Variants in TYW1B observed in about 807,000 individuals in gnomAD.
TYW1B encodes the protein S-adenosyl-L-methionine-dependent tRNA 4-demethylwyosine synthase TYW1B.
In TYW1B, 73 loss-of-function variants were observed where a neutral mutation model predicts 86.9. That is an observed-to-expected ratio of 0.84 (90% CI 0.70 to 1.02). The LOEUF is 1.02. Among genes scored for constraint, TYW1B ranks in the 50% least tolerant of loss-of-function variants. The probability of loss-of-function intolerance (pLI) is 0.00; values close to 1 mark genes in which losing one functional copy is unlikely to be tolerated. For missense variants in TYW1B, 637 were observed against 827.4 expected (o/e 0.77, Z 2.82); for synonymous variants, 248 against 292.8 (o/e 0.85, Z 1.56).
At chr7:72,811,263 T>C (rs1436428821) in intron 3 of TYW1B, among the ~76,000 whole-genome samples, 2 of 109,132 alleles carry the variant, frequency 1.8e-5, no homozygotes, top group Non-Finnish European at 3.5e-5. Flanking sequence ...AGAGCAAGAC[T>C]CCATCTCAAA....
At chr7:72,643,635 T>C (rs1812856804) in intron 11 of TYW1B, among the ~76,000 whole-genome samples, 1 of 152,040 alleles carries the variant, frequency 6.6e-6, no homozygotes, top group South Asian at 2.1e-4. Context: ...ATATGCATAC[T>C]ATTATTAGGA....
chr7:72,723,822 A>C (rs568300698), intron 9 of TYW1B, among the ~76,000 whole-genome samples: 6 of 152,128 alleles, frequency 3.9e-5, no homozygotes, highest in Admixed American at 3.9e-4. Context: ...AGAACAGAAA[A>C]TATAATCAAT....
At chr7:72,685,605 A>G (rs1251326215) in intron 11 of TYW1B, among the ~76,000 whole-genome samples, 1 of 54,106 alleles carries the variant, frequency 1.8e-5, no homozygotes, top group Non-Finnish European at 5.2e-5. Flanking sequence ...AGAAATCCAC[A>G]TGCAAAAAAA....
intron 7 of TYW1B, among the ~76,000 whole-genome samples, chr7:72,750,551 G>A (rs1787481753): frequency 6.6e-6 from 1 of 151,984 alleles, no homozygotes; most frequent in African/African-American, 2.4e-5. Flanking sequence ...GATTCTTTTG[G>A]TTTTATCCTG....
At chr7:72,760,712 A>C (rs899211750) in intron 7 of TYW1B, among the ~76,000 whole-genome samples, 1 of 152,196 alleles carries the variant, frequency 6.6e-6, no homozygotes, top group African/African-American at 2.4e-5. Context: ...TATTGGTAAA[A>C]TAAAAATTAA....
chr7:72,581,958 G>A (rs1811163378), intron 13 of TYW1B, among the ~76,000 whole-genome samples: 1 of 152,006 alleles, frequency 6.6e-6, no homozygotes, highest in Non-Finnish European at 1.5e-5. Flanking sequence ...TAGTAGAGAT[G>A]GGGTTTCACC....
chr7:72,646,358 G>A (rs1216456659), intron 11 of TYW1B, among the ~76,000 whole-genome samples: 2 of 151,876 alleles, frequency 1.3e-5, no homozygotes. Context: ...CACTGTGCCT[G>A]GCCTAAAAAG....
intron 13 of TYW1B, among the ~76,000 whole-genome samples, chr7:72,583,214 C>G (rs189590012): frequency 2.0e-5 from 3 of 151,892 alleles, no homozygotes; most frequent in African/African-American, 7.2e-5. Context: ...AATACAAAAA[C>G]TGGCAGCCTC....
intron 5 of TYW1B, among the ~76,000 whole-genome samples, chr7:72,806,237 G>T (rs149385077): frequency 7.7e-6 from 1 of 129,256 alleles, no homozygotes. Context: ...GTGTGTGTGG[G>T]TTTTTTTTTT....
Position 72,807,219 on chromosome 7 carries a change from G to T in TYW1B, c.570C>A (p.Phe190Leu). 1.2e-6 allele frequency: 2 copies of T among 1,614,106 alleles called. No homozygotes were observed. The highest frequency in any genetic ancestry group is 1.7e-6 in the Non-Finnish European group (2 of 1,180,008). Residue 190 changes from phenylalanine to leucine, a missense_variant, in exon 5 of 14, where the codon TTC (phenylalanine) becomes TTA (leucine). Phe to Leu is a conservative substitution (Grantham distance 22). Transcript: ENST00000620995. ...EANFRAWKTK[F>L]ISQLQALQKG... ...TCTGAAGTGCCTGCAGCTGGGAGAT[G>T]AACTTGGTCTTCCATGCTCTGAAGT...
At chr7:72,598,758 G>A (rs1203727412) in intron 13 of TYW1B, among the ~76,000 whole-genome samples, 10 of 152,142 alleles carry the variant, frequency 6.6e-5, no homozygotes, top group African/African-American at 1.7e-4. Flanking sequence ...TTGTGACTGC[G>A]TCAAGTGGGG....
At chr7:72,682,641 AC>A (rs1813903293) in intron 11 of TYW1B, among the ~76,000 whole-genome samples, 1 of 152,224 alleles carries the variant, frequency 6.6e-6, no homozygotes, top group South Asian at 2.1e-4. Context: ...CTGTGTCTTA[AC>A]AAGTAAAAAG....
chr7:72,625,785 G>C (rs1205811970), intron 12 of TYW1B, among the ~76,000 whole-genome samples: 1 of 151,038 alleles, frequency 6.6e-6, no homozygotes, highest in Non-Finnish European at 1.5e-5. Context: ...TGTTTACCAA[G>C]TAGCTGTCTT....
At chr7:72,685,979 G>C (rs1384976418) in intron 11 of TYW1B, among the ~76,000 whole-genome samples, 1 of 152,068 alleles carries the variant, frequency 6.6e-6, no homozygotes, top group Non-Finnish European at 1.5e-5. Context: ...ATGGGCCAAA[G>C]ACCATAACAG....
chr7:72,600,942 G>A (rs1262973038), intron 13 of TYW1B, among the ~76,000 whole-genome samples: 1 of 152,042 alleles, frequency 6.6e-6, no homozygotes, highest in African/African-American at 2.4e-5. Flanking sequence ...AATCACCTGA[G>A]GTCAGGAGTT....
At chr7:72,703,770 A>G (rs376801384) in intron 10 of TYW1B, among the ~76,000 whole-genome samples, 2 of 151,592 alleles carry the variant, frequency 1.3e-5, no homozygotes, top group African/African-American at 2.4e-5. Flanking sequence ...TGGGAGAATC[A>G]CTTGAATTCG....
chr7:72,616,423 C>A lies in TYW1B; in HGVS notation c.1785+249G>T, dbSNP rs376867134. Among the ~76,000 whole-genome samples, 25 of 152,264 alleles carry A rather than the reference C, an allele frequency of 1.6e-4. 1 individual carries two copies. In the East Asian group the frequency reaches 3.9e-3, roughly 23 times the overall value. The stretch of plus-strand genomic sequence containing the variant: ...TTTGCTTTTGTTTTGTTAGCATGCA[C>A]CTTCTAAAATTGCAAACCAGAAAGT... On this transcript the variant is annotated intron_variant, in intron 13 of 13. Coordinates refer to ENST00000620995, the MANE Select transcript of TYW1B (RefSeq NM_001145440.3).
chr7:72,745,046 A>G (rs369236822), intron 7 of TYW1B, among the ~76,000 whole-genome samples: 12 of 152,170 alleles, frequency 7.9e-5, no homozygotes, highest in African/African-American at 2.4e-4. Flanking sequence ...TTGTTTTGAG[A>G]CAGGGTCTTG....
In TYW1B at chr7:72,694,590, A is replaced by T. The variant is rs1211704310; in HGVS notation, c.1506+97T>A. 3 of 1,350,080 alleles carry T rather than the reference A, an allele frequency of 2.2e-6. No homozygotes were observed. The Admixed American group carries it at 9.5e-5, about 43-fold the overall frequency. The allele number at this position is 1,350,080 out of a possible 1,614,324, so 83.6% of individuals were successfully genotyped here. A position where few individuals can be genotyped will look rare whatever the true frequency, so the allele number is the denominator to read the frequency against. On this transcript the variant is annotated intron_variant, in intron 11 of 13. Coordinates refer to ENST00000620995, the MANE Select transcript of TYW1B (RefSeq NM_001145440.3). ...TTTTATTTTAAAGAGAAAAGAGGAA[A>T]AAGTACCTCTGTTCTTTTCTTCCAT... is the stretch of plus-strand genomic sequence containing the variant.
Sources: allele counts gnomAD v4.1 joint callset (sites outside exome capture counted in the v4.1 genomes callset), GRCh38; gene constraint gnomAD v4.1.1; transcripts MANE v1.5; gene names NCBI Gene and HGNC (gene_info 2026-07-23, HGNC 2026-07-21).